Variants in MIS18BP1 observed in about 807,000 individuals in gnomAD.
MIS18BP1 encodes mis18-binding protein 1.
MIS18BP1 carries 72 observed loss-of-function variants against 116.1 expected under a neutral mutation model. That is an observed-to-expected ratio of 0.62 (90% CI 0.51 to 0.75). The LOEUF (loss-of-function observed/expected upper bound fraction) is 0.75. MIS18BP1 is among the 30% of genes least tolerant of loss of function. MIS18BP1 has a pLI of 0.00. For synonymous variants in MIS18BP1, 386 were observed against 427.0 expected, an observed-to-expected ratio of 0.90 and a Z score of 1.18; for missense variants, 1,363 against 1,303.2, an observed-to-expected ratio of 1.05 and a Z score of -0.71.
chr14:45,208,330 GTTT>G (rs1166566812), intron 14 of MIS18BP1, among the ~76,000 whole-genome samples: 6 of 120,936 alleles, frequency 5.0e-5, no homozygotes, highest in African/African-American at 3.1e-5. Flanking sequence ...GGATGAAGTT[GTTT>G]TTTTTTTTTT....
chr14:45,244,856 C>T (rs1891682474), intron 2 of MIS18BP1, among the ~76,000 whole-genome samples: 1 of 152,168 alleles, frequency 6.6e-6, no homozygotes, highest in Admixed American at 6.5e-5. Context: ...TTTCAGTTAA[C>T]AATTGGTCTG....
chr14:45,227,909 G>C (rs1891170414), intron 8 of MIS18BP1, 95 bp from the exon 9 acceptor site: 1 of 1,253,470 alleles, frequency 8.0e-7, no homozygotes, highest in African/African-American at 1.5e-5. Flanking sequence ...AGGTGTGGTG[G>C]CTCACGCCTG....
At position 45,210,413 on chromosome 14, in the gene MIS18BP1, T is replaced by C; in HGVS notation, c.3119A>G (p.His1040Arg). Reference sequence around the variant, plus strand: ...AGAACCTAGCATGCCAGGACTGACATGCTGACATTGAGGAGTTTTTACCAA... The same window carrying C: ...AGAACCTAGCATGCCAGGACTGACACGCTGACATTGAGGAGTTTTTACCAA... Reference protein sequence around the residue: ...FPLVKTPQCQHVSPGMLGSIN... With the variant: ...FPLVKTPQCQRVSPGMLGSIN... The change falls in exon 14 of 17, where the codon CAT (histidine) becomes CGT (arginine). Residue 1040 changes from histidine (H) to arginine (R), a missense_variant. Coordinates refer to ENST00000310806, the MANE Select transcript of MIS18BP1 (RefSeq NM_018353.5). 2 of 1,614,060 alleles carry C rather than the reference T, an allele frequency of 1.2e-6. No individual in the cohort carries two copies. Among genetic ancestry groups the C allele is most frequent in the Non-Finnish European group, 1.7e-6 (2 of 1,179,964 alleles).
chr14:45,223,549 C>T (rs369050476), intron 11 of MIS18BP1, among the ~76,000 whole-genome samples: 60 of 152,122 alleles, frequency 3.9e-4, no homozygotes, highest in Non-Finnish European at 6.9e-4. Context: ...GCACTCCAGA[C>T]GGGGCAGCAG....
intron 13 of MIS18BP1, 52 bp from the exon 14 acceptor site, chr14:45,210,580 C>G (rs746092346): frequency 1.9e-6 from 3 of 1,595,862 alleles, no homozygotes; most frequent in Non-Finnish European, 2.6e-6. Context: ...GGTATTTTCT[C>G]ATTATCACAA....
At chr14:45,228,873 A>G (rs1433757762) in intron 8 of MIS18BP1, among the ~76,000 whole-genome samples, 1 of 152,202 alleles carries the variant, frequency 6.6e-6, no homozygotes, top group Non-Finnish European at 1.5e-5. Context: ...ATAAAATTAC[A>G]TTATCTTAAA....
At chr14:45,227,931 C>G in intron 8 of MIS18BP1, 117 bp from the exon 9 acceptor site, 6 of 986,384 alleles carry the variant, frequency 6.1e-6, no homozygotes, top group Non-Finnish European at 9.0e-6. Flanking sequence ...AATCCCAGCA[C>G]TCTGGGAGGC....
intron 1 of MIS18BP1, among the ~76,000 whole-genome samples, chr14:45,251,148 A>C (rs535485801): frequency 6.6e-6 from 1 of 151,898 alleles, no homozygotes; most frequent in Non-Finnish European, 1.5e-5. Context: ...ATTTTGGTGT[A>C]CCTTTTTTTT....
Position 45,251,163 on chromosome 14 carries a change from T to C in MIS18BP1, c.-92+1872A>G, listed in dbSNP as rs566031597. On this transcript the variant is annotated intron_variant, in intron 1 of 16. Transcript: ENST00000310806. ...ATTTTGGTGTACCTTTTTTTTAAAC[T>C]TATTTTTACTGTACCTTTTCTATAT... Among the ~76,000 whole-genome samples the C allele has an allele frequency of 6.6e-5, 10 of 152,282 alleles. No homozygotes were observed. In the East Asian group the frequency reaches 1.9e-3, roughly 29 times the overall value.
At chr14:45,220,898 G>A (rs1232990185) in intron 11 of MIS18BP1, among the ~76,000 whole-genome samples, 1 of 152,110 alleles carries the variant, frequency 6.6e-6, no homozygotes, top group Non-Finnish European at 1.5e-5. Context: ...ATTTTGGGAG[G>A]CCAAGGCAGG....
chr14:45,208,998 C>CT (rs1443552547), intron 14 of MIS18BP1, among the ~76,000 whole-genome samples: 2 of 152,058 alleles, frequency 1.3e-5, no homozygotes, highest in African/African-American at 4.8e-5. Flanking sequence ...GTCACCCCTA[C>CT]TTTTTTCTTA....
intron 8 of MIS18BP1, among the ~76,000 whole-genome samples, chr14:45,229,322 T>C (rs1041997084): frequency 2.6e-5 from 4 of 151,914 alleles, no homozygotes; most frequent in East Asian, 3.9e-4. Context: ...CCTGGCAACA[T>C]AGTAGGATCC....
intron 14 of MIS18BP1, chr14:45,210,137 G>T: frequency 3.3e-6 from 1 of 306,426 alleles, no homozygotes. Context: ...TTTTTTACAA[G>T]TAAAACCTTG....
At chr14:45,216,906 A>G (rs1890833176) in intron 13 of MIS18BP1, 113 bp downstream of exon 13, 1 of 1,105,854 alleles carries the variant, frequency 9.0e-7, no homozygotes. Flanking sequence ...GATCATGTCT[A>G]CGGAGGCTAC....
chr14:45,245,997 T>C (rs765605748), intron 2 of MIS18BP1, among the ~76,000 whole-genome samples: 45 of 152,226 alleles, frequency 3.0e-4, no homozygotes, highest in Non-Finnish European at 6.0e-4. Flanking sequence ...TCTGCACATT[T>C]ACTATCTGCA....
chr14:45,227,088 T>C (rs1223126285), intron 9 of MIS18BP1, among the ~76,000 whole-genome samples: 5 of 152,240 alleles, frequency 3.3e-5, no homozygotes, highest in African/African-American at 1.2e-4. Context: ...TTTAAAAATA[T>C]GCTTTATTTA....
chr14:45,241,094 G>T (rs943878364), intron 4 of MIS18BP1, among the ~76,000 whole-genome samples: 3 of 152,102 alleles, frequency 2.0e-5, no homozygotes, highest in African/African-American at 7.2e-5. Flanking sequence ...ACAGAGTAAG[G>T]CCTCATTTAA....
In MIS18BP1 at chr14:45,204,386, G is replaced by GTC. The variant is rs760602500; in HGVS notation, c.3295+12_3295+13insGA. ...TAGAACTGAGCCACAAAAGAAAGCT[G>GTC]TAAGTGTATTACCTGTGTTAAATGG... is the stretch of plus-strand genomic sequence containing the variant. On this transcript the variant is annotated intron_variant, in intron 16 of 16. Coordinates refer to ENST00000310806, the MANE Select transcript of MIS18BP1 (RefSeq NM_018353.5). 1.6e-5 allele frequency: 25 copies of GTC among 1,597,604 alleles called. No homozygotes were observed. The highest frequency in any genetic ancestry group is 2.2e-5 in the East Asian group (1 of 44,526).
At chr14:45,252,467 T>C (rs1047950272) in intron 1 of MIS18BP1, among the ~76,000 whole-genome samples, 11 of 152,180 alleles carry the variant, frequency 7.2e-5, no homozygotes, top group African/African-American at 2.7e-4. Flanking sequence ...TGAACCAAAT[T>C]GTAAACAGTG....
Sources: gnomAD v4.1 joint callset for allele counts (sites outside exome capture counted in the v4.1 genomes callset) on GRCh38, gnomAD v4.1.1 for gene constraint, MANE v1.5 for transcripts, NCBI Gene and HGNC (gene_info 2026-07-23, HGNC 2026-07-21) for gene names.